ZMAT4: variants seen among roughly 807,000 people sequenced by gnomAD.
The protein encoded by ZMAT4 is zinc finger matrin-type protein 4.
ZMAT4 carries 17 observed loss-of-function variants against 28.7 expected under a neutral mutation model. The ratio of observed to expected loss-of-function variants is 0.59; its 90% CI spans 0.41 to 0.89. ZMAT4 has a LOEUF of 0.89. ZMAT4 is among the 40% of genes least tolerant of loss of function. The pLI, the probability that ZMAT4 is intolerant of heterozygous loss-of-function variation, is 0.00. For synonymous variants in ZMAT4, 117 were observed against 109.2 expected (o/e 1.07, Z -0.44); for missense variants, 240 against 283.8 (o/e 0.85, Z 1.11).
chr8:40,796,752 T>C (rs1814617744), intron 2 of ZMAT4, among the ~76,000 whole-genome samples: 1 of 152,216 alleles, frequency 6.6e-6, no homozygotes, highest in South Asian at 2.1e-4. Context: ...TGCTTCTTCA[T>C]CAGATCTAGT....
intron 3 of ZMAT4, among the ~76,000 whole-genome samples, chr8:40,733,776 A>T (rs1287510659): frequency 6.6e-6 from 1 of 152,148 alleles, no homozygotes; most frequent in Non-Finnish European, 1.5e-5. Context: ...AGGAATGAAG[A>T]GTTTTCTATT....
At chr8:40,758,502 A>G (rs1046637569) in intron 3 of ZMAT4, among the ~76,000 whole-genome samples, 3 of 152,200 alleles carry the variant, frequency 2.0e-5, no homozygotes, top group African/African-American at 7.2e-5. Flanking sequence ...TCATCACCAG[A>G]TTTTAGTTAT....
chr8:40,676,619 C>T (rs568629595), intron 4 of ZMAT4, among the ~76,000 whole-genome samples: 1 of 152,124 alleles, frequency 6.6e-6, no homozygotes, highest in Non-Finnish European at 1.5e-5. Flanking sequence ...GAAACAAATA[C>T]TTGTTAAGTG....
At chr8:40,731,795 A>G (rs1478765493) in intron 3 of ZMAT4, among the ~76,000 whole-genome samples, 1 of 152,244 alleles carries the variant, frequency 6.6e-6, no homozygotes, top group Non-Finnish European at 1.5e-5. Flanking sequence ...AGCTTGACTC[A>G]CAACAGCTAA....
At chr8:40,845,280 A>G (rs1414971900) in intron 1 of ZMAT4, among the ~76,000 whole-genome samples, 1 of 152,192 alleles carries the variant, frequency 6.6e-6, no homozygotes, top group Non-Finnish European at 1.5e-5. Context: ...AAGAAAAAAA[A>G]TTTAGGCATC....
intron 1 of ZMAT4, among the ~76,000 whole-genome samples, chr8:40,862,971 T>TA (rs869063889): frequency 3.3e-4 from 49 of 147,196 alleles, no homozygotes; most frequent in African/African-American, 8.8e-4. Context: ...AAATATAATT[T>TA]AAAAAAAAAA....
At chr8:40,550,635 C>T (rs937733193) in intron 6 of ZMAT4, among the ~76,000 whole-genome samples, 6 of 152,088 alleles carry the variant, frequency 3.9e-5, no homozygotes, top group African/African-American at 9.7e-5. Context: ...GTGAGTCTCA[C>T]GAGATCTGAT....
intron 6 of ZMAT4, among the ~76,000 whole-genome samples, chr8:40,564,229 T>C (rs749813120): frequency 6.6e-6 from 1 of 152,136 alleles, no homozygotes; most frequent in Non-Finnish European, 1.5e-5. Flanking sequence ...AGTCCAGGAA[T>C]GTGTTCATGT....
intron 6 of ZMAT4, among the ~76,000 whole-genome samples, chr8:40,579,947 A>T (rs544327643): frequency 6.6e-6 from 1 of 150,532 alleles, no homozygotes; most frequent in South Asian, 2.1e-4. Flanking sequence ...AGAACAATCT[A>T]TGGGTTTACA....
chr8:40,709,794 T>C (rs919154114), intron 3 of ZMAT4, among the ~76,000 whole-genome samples: 2 of 152,118 alleles, frequency 1.3e-5, no homozygotes, highest in Non-Finnish European at 2.9e-5. Context: ...ATCCCAGGAC[T>C]CTGGGAGGCT....
intron 1 of ZMAT4, among the ~76,000 whole-genome samples, chr8:40,868,019 C>A (rs1817732655): frequency 6.6e-6 from 1 of 152,034 alleles, no homozygotes; most frequent in Admixed American, 6.5e-5. Context: ...GCAAGGATTT[C>A]TGTCCTTAAC....
At chr8:40,610,170 T>C (rs1805742815) in intron 5 of ZMAT4, among the ~76,000 whole-genome samples, 1 of 152,234 alleles carries the variant, frequency 6.6e-6, no homozygotes, top group Non-Finnish European at 1.5e-5. Flanking sequence ...TCCCCACTGA[T>C]TACCAAATCC....
intron 3 of ZMAT4, among the ~76,000 whole-genome samples, chr8:40,752,014 G>A (rs189606455): frequency 6.6e-6 from 1 of 152,074 alleles, no homozygotes. Context: ...GAAGAACAGG[G>A]TGGACCCTCC....
At chr8:40,812,917 G>A (rs1815379811) in intron 2 of ZMAT4, among the ~76,000 whole-genome samples, 1 of 147,552 alleles carries the variant, frequency 6.8e-6, no homozygotes, top group Non-Finnish European at 1.5e-5. Context: ...TGGGCGACAA[G>A]AGCAAAACTC....
chr8:40,570,516 C>T (rs1804061264), intron 6 of ZMAT4, among the ~76,000 whole-genome samples: 1 of 151,968 alleles, frequency 6.6e-6, no homozygotes, highest in Non-Finnish European at 1.5e-5. Flanking sequence ...CCGGGCCACA[C>T]AGCAAAACCC....
chr8:40,818,766 C>G (rs1417635585), intron 2 of ZMAT4, among the ~76,000 whole-genome samples: 1 of 152,158 alleles, frequency 6.6e-6, no homozygotes, highest in African/African-American at 2.4e-5. Flanking sequence ...AGGCTACAGT[C>G]ACACCGCCTG....
chr8:40,776,120 A>G (rs1302880064), intron 2 of ZMAT4, among the ~76,000 whole-genome samples: 3 of 151,694 alleles, frequency 2.0e-5, no homozygotes, highest in Admixed American at 6.6e-5. Context: ...TAGGCTGACT[A>G]ATACATATGC....
At chr8:40,871,041 G>T (rs922762329) in intron 1 of ZMAT4, among the ~76,000 whole-genome samples, 1 of 152,086 alleles carries the variant, frequency 6.6e-6, no homozygotes, top group East Asian at 1.9e-4. Flanking sequence ...GTTGCTTGAC[G>T]AATGAGACCA....
intron 2 of ZMAT4, among the ~76,000 whole-genome samples, chr8:40,779,977 C>T (rs1813763709): frequency 6.6e-6 from 1 of 152,170 alleles, no homozygotes; most frequent in Non-Finnish European, 1.5e-5. Context: ...TTCCAGCTCT[C>T]AAGCTCTTCA....
Sources: allele counts gnomAD v4.1 joint callset (sites outside exome capture counted in the v4.1 genomes callset), GRCh38; gene constraint gnomAD v4.1.1; transcripts MANE v1.5; gene names NCBI Gene and HGNC (gene_info 2026-07-23, HGNC 2026-07-21).